ACO1: variants seen among roughly 807,000 people sequenced by gnomAD.
ACO1 encodes the protein aconitase 1.
ACO1 carries 78 observed loss-of-function variants against 105.1 expected under a neutral mutation model. The ratio of observed to expected loss-of-function variants is 0.74; its 90% CI spans 0.62 to 0.90. The LOEUF is 0.90. Ranked by LOEUF, ACO1 falls within the 40% of genes least tolerant of loss-of-function variation. The pLI is 0.00. For missense variants in ACO1, 965 were observed against 1,111.1 expected, an observed-to-expected ratio of 0.87 and a Z score of 1.87; for synonymous variants, 364 against 397.4, an observed-to-expected ratio of 0.92 and a Z score of 1.00.
chr9:32,431,780 C>G lies in ACO1; in HGVS notation c.1788C>G (p.Ile596Met). The change falls in exon 15 of 21, where the codon ATC (isoleucine) becomes ATG (methionine). Residue 596 changes from isoleucine (I) to methionine (M), a missense_variant. Physicochemically the swap from Ile to Met is conservative, Grantham distance 10. Coordinates refer to ENST00000309951, the MANE Select transcript of ACO1 (RefSeq NM_002197.3). ...LKDIWPTRDE[I>M]QAVERQYVIP... ...ATATCTGGCCGACTAGAGACGAGAT[C>G]CAGGCAGTGGAGCGTCAGTATGTCA... The G allele has an allele frequency of 1.2e-6, 2 of 1,614,090 alleles. No homozygotes were observed. Among genetic ancestry groups the G allele is most frequent in the Non-Finnish European group, 1.7e-6 (2 of 1,180,002 alleles).
rs1822770897 is a variant in ACO1 at position 32,451,746 on chromosome 9, T to C, written c.*1635T>C. ...TGCACTTGCGGTCCTGGGGATCTTA[T>C]TTATATTCATTTAAAAAATAAATTA... On this transcript the variant is annotated 3_prime_UTR_variant, in exon 21 of 21. Coordinates refer to ENST00000309951, the MANE Select transcript of ACO1 (RefSeq NM_002197.3). 6.6e-6 allele frequency: 1 copy of C among 152,204 alleles called. No individual in the cohort carries two copies. The highest frequency in any genetic ancestry group is 1.5e-5 in the Non-Finnish European group (1 of 68,048). 9.4% of individuals were successfully genotyped at this position (152,204 alleles called of 1,614,324 possible).
chr9:32,411,756 C>G (rs1821743719), intron 4 of ACO1, among the ~76,000 whole-genome samples: 1 of 152,188 alleles, frequency 6.6e-6, no homozygotes, highest in Non-Finnish European at 1.5e-5. Context: ...CTTTTATACA[C>G]TGCTGATAGC....
intron 4 of ACO1, among the ~76,000 whole-genome samples, chr9:32,410,637 G>T (rs1288301883): frequency 1.3e-5 from 2 of 152,032 alleles, no homozygotes; most frequent in Non-Finnish European, 2.9e-5. Context: ...GCTCAAAATG[G>T]TAATCAACAG....
intron 1 of ACO1, among the ~76,000 whole-genome samples, chr9:32,392,593 A>T (rs968588080): frequency 4.0e-4 from 61 of 152,286 alleles, no homozygotes; most frequent in African/African-American, 1.4e-3. Context: ...CTTATCCCAG[A>T]TCCACCGTGT....
intron 1 of ACO1, 89 bp from the exon 2 acceptor site, chr9:32,405,396 A>G: frequency 2.8e-6 from 2 of 708,382 alleles, no homozygotes; most frequent in Non-Finnish European, 4.9e-6. Context: ...TAAAAGAAAC[A>G]TAGTAAAAAC....
At chr9:32,426,606 G>A (rs1284789197) in intron 11 of ACO1, among the ~76,000 whole-genome samples, 2 of 152,200 alleles carry the variant, frequency 1.3e-5, no homozygotes, top group African/African-American at 2.4e-5. Context: ...CATTAGGAAA[G>A]CCTTCTTTGC....
intron 2 of ACO1, 45 bp from the exon 3 acceptor site, chr9:32,407,216 A>C: frequency 6.3e-7 from 1 of 1,594,754 alleles, no homozygotes; most frequent in Non-Finnish European, 8.6e-7. Context: ...AGCGCTCTTA[A>C]GTTGTCTCAC....
rs758880827 is a variant in ACO1 at position 32,407,256 on chromosome 9, C to T, written c.98-5C>T. 6.2e-7 allele frequency: 1 copy of T among 1,613,972 alleles called. No individual in the cohort carries two copies. Among genetic ancestry groups the T allele is most frequent in the East Asian group, 2.2e-5 (1 of 44,878 alleles). ...TTTGTTTATTTTGTCATCCTTAACT[C>T]TTAGGGCGCTTACCATTTTCGATCA... On this transcript the variant is annotated splice_polypyrimidine_tract_variant and splice_region_variant and intron_variant, in intron 2 of 20. Transcript: ENST00000309951.
intron 18 of ACO1, 110 bp from the exon 19 acceptor site, chr9:32,440,355 G>C (rs1587552964): frequency 8.6e-7 from 1 of 1,163,192 alleles, no homozygotes; most frequent in Admixed American, 2.1e-5. Context: ...TGATTGGACG[G>C]ATTTGGCCAT....
At chr9:32,436,604 C>G (rs1038725045) in intron 18 of ACO1, among the ~76,000 whole-genome samples, 1 of 152,174 alleles carries the variant, frequency 6.6e-6, no homozygotes, top group Non-Finnish European at 1.5e-5. Flanking sequence ...AGATTCTAGA[C>G]CGTGGTTTCA....
rs776083510 is a variant in ACO1, at chr9:32,448,916, C to G, written c.2391C>G (p.Ala797=). Residue 797 remains alanine (A), a synonymous_variant, in exon 20 of 21, where the codon GCC becomes GCG. Transcript: ENST00000309951. Reference sequence around the variant, plus strand: ...ATCAGGGAATCAAAGCCGTCCTGGCCGAGAGCTACGAGCGCATTCACCGCA... The same window carrying G: ...ATCAGGGAATCAAAGCCGTCCTGGCGGAGAGCTACGAGCGCATTCACCGCA... ...PFLLGIKAVL[A]ESYERIHRSN... 11 of 1,614,066 alleles carry G rather than the reference C, an allele frequency of 6.8e-6. No individual in the cohort carries two copies. The highest frequency in any genetic ancestry group is 1.3e-5 in the African/African-American group (1 of 74,906).
At chr9:32,421,290 T>C (rs1821968985) in intron 8 of ACO1, among the ~76,000 whole-genome samples, 1 of 152,208 alleles carries the variant, frequency 6.6e-6, no homozygotes, top group South Asian at 2.1e-4. Flanking sequence ...TTTTTTGACA[T>C]TAAACAAGTG....
intron 1 of ACO1, among the ~76,000 whole-genome samples, chr9:32,389,982 G>C (rs1291653892): frequency 1.3e-5 from 2 of 152,070 alleles, no homozygotes; most frequent in Non-Finnish European, 2.9e-5. Flanking sequence ...ATTTTCAGTA[G>C]AGATGGGGTT....
intron 19 of ACO1, among the ~76,000 whole-genome samples, chr9:32,445,061 T>C (rs1402190405): frequency 6.6e-6 from 1 of 152,212 alleles, no homozygotes; most frequent in Non-Finnish European, 1.5e-5. Context: ...ATCAGGGATA[T>C]TGGCCTCAAA....
chr9:32,405,067 C>A (rs560937193), intron 1 of ACO1, among the ~76,000 whole-genome samples: 1 of 152,362 alleles, frequency 6.6e-6, no homozygotes, highest in Non-Finnish European at 1.5e-5. Flanking sequence ...AGACACCTTT[C>A]CTCTCTCCCA....
At chr9:32,400,183 C>A (rs1821464480) in intron 1 of ACO1, among the ~76,000 whole-genome samples, 1 of 152,004 alleles carries the variant, frequency 6.6e-6, no homozygotes, top group African/African-American at 2.4e-5. Context: ...CTTGGCCAGG[C>A]TGGTCTCAAA....
rs537657112 is a variant in ACO1 at position 32,423,399 on chromosome 9, C to T, written c.1051C>T (p.Gln351Ter). Residue 351 changes from glutamine (Q) to a stop codon, truncating the protein, a stop_gained, in exon 9 of 21, where the codon CAA (glutamine) becomes TAA (stop). Transcript: ENST00000309951. LOFTEE classifies it high-confidence loss of function. Reference protein sequence around the residue: ...GMFRDFNDPSQDPDFTQVVEL... With the variant: ...GMFRDFNDPS ...GTTTCGAGATTTCAATGACCCTTCTCAAGACCCAGACTTCACCCAGGTATG... is the reference window on the plus strand; with the variant it reads ...GTTTCGAGATTTCAATGACCCTTCTTAAGACCCAGACTTCACCCAGGTATG... The T allele has an allele frequency of 6.2e-7, 1 of 1,601,054 alleles. No individual in the cohort carries two copies. Among genetic ancestry groups the T allele is most frequent in the Non-Finnish European group, 8.5e-7 (1 of 1,174,544 alleles).
At chr9:32,438,402 A>G (rs1209562497) in intron 18 of ACO1, among the ~76,000 whole-genome samples, 1 of 152,202 alleles carries the variant, frequency 6.6e-6, no homozygotes, top group Non-Finnish European at 1.5e-5. Flanking sequence ...AATCCCCAGG[A>G]TGCTAGTGAA....
intron 19 of ACO1, among the ~76,000 whole-genome samples, chr9:32,442,059 G>C (rs1020150639): frequency 1.3e-5 from 2 of 151,878 alleles, no homozygotes; most frequent in Admixed American, 1.3e-4. Flanking sequence ...GTAGCAGTGC[G>C]TCTCAAGTTT....
Sources: allele counts gnomAD v4.1 joint callset (sites outside exome capture counted in the v4.1 genomes callset), GRCh38; gene constraint gnomAD v4.1.1; transcripts MANE v1.5; gene names NCBI Gene and HGNC (gene_info 2026-07-23, HGNC 2026-07-21).